PACSIN1: variants seen among roughly 807,000 people sequenced by gnomAD.
The protein encoded by PACSIN1 is protein kinase C and casein kinase substrate in neurons protein 1.
PACSIN1 carries 15 observed loss-of-function variants against 59.5 expected under a neutral mutation model. The ratio of observed to expected loss-of-function variants is 0.25; its 90% CI spans 0.17 to 0.39. The LOEUF (loss-of-function observed/expected upper bound fraction) is 0.39. Among genes scored for constraint, PACSIN1 ranks in the 10% least tolerant of loss-of-function variants. PACSIN1 has a pLI of 1.00. For synonymous variants in PACSIN1, 210 were observed against 220.6 expected, an observed-to-expected ratio of 0.95 and a Z score of 0.42; for missense variants, 420 against 580.2, an observed-to-expected ratio of 0.72 and a Z score of 2.84.
chr6:34,529,609 G>A lies in PACSIN1; in HGVS notation c.612+57G>A, dbSNP rs1348437033. 1 of 1,612,394 alleles carries A rather than the reference G, an allele frequency of 6.2e-7. No individual in the cohort carries two copies. The highest frequency in any genetic ancestry group is 1.3e-5 in the African/African-American group (1 of 74,880). On this transcript the variant is annotated intron_variant, in intron 5 of 9. Coordinates refer to ENST00000244458, the MANE Select transcript of PACSIN1 (RefSeq NM_020804.5). The surrounding 1 kb of genome is among the most constrained non-coding windows in gnomAD (Gnocchi z 6.3). ...CTGGGGGCCCCTTGCAGAGGGTGGT[G>A]GCTGGGAGCTGCAGGCCTGGCTAGG...
chr6:34,515,619 C>G lies in PACSIN1; in HGVS notation c.-63-10624C>G, dbSNP rs1260336141. Among the ~76,000 whole-genome samples, 1 of 152,164 alleles carries G rather than the reference C, an allele frequency of 6.6e-6. No individual in the cohort carries two copies. Among genetic ancestry groups the G allele is most frequent in the Non-Finnish European group, 1.5e-5 (1 of 68,022 alleles). The stretch of plus-strand genomic sequence containing the variant: ...AGAGGCATCTACCTCCTGCCCCAAC[C>G]TCAGGCCCTTCCCCTTCCTCGTTCT... On this transcript the variant is annotated intron_variant, in intron 1 of 9. Transcript: ENST00000244458. The surrounding 1 kb of genome is among the most constrained non-coding windows in gnomAD (Gnocchi z 4.4).
intron 1 of PACSIN1, among the ~76,000 whole-genome samples, chr6:34,491,506 T>G (rs73746656): frequency 0.022 from 3,361 of 152,182 alleles, 93 homozygotes; most frequent in African/African-American, 0.066. Context: ...GGTTCTGACT[T>G]GGAGACTTGT....
intron 1 of PACSIN1, among the ~76,000 whole-genome samples, chr6:34,493,857 C>T (rs1256892540): frequency 1.3e-5 from 2 of 152,210 alleles, no homozygotes; most frequent in African/African-American, 4.8e-5. Flanking sequence ...GGGAAGGGAG[C>T]AGGGGTAAGC....
At chr6:34,483,811 G>A (rs1441189868) in intron 1 of PACSIN1, among the ~76,000 whole-genome samples, 3 of 151,756 alleles carry the variant, frequency 2.0e-5, no homozygotes, top group Non-Finnish European at 4.4e-5. Context: ...CACCATGCCC[G>A]GCTAATTTTG....
chr6:34,508,293 T>C (rs1379100468), intron 1 of PACSIN1, among the ~76,000 whole-genome samples: 1 of 152,138 alleles, frequency 6.6e-6, no homozygotes, highest in South Asian at 2.1e-4. Context: ...TTAGTAGAGA[T>C]GGGGTTTCAC....
Position 34,491,667 on chromosome 6 carries a change from A to G in PACSIN1, c.-64+25397A>G, listed in dbSNP as rs1440476378. Among the ~76,000 whole-genome samples the G allele has an allele frequency of 2.0e-5, 3 of 150,960 alleles. No individual in the cohort carries two copies. The East Asian group carries it at 5.8e-4, about 29-fold the overall frequency. ...GCTCTTGTTGCCCAGGCTGGAGTGC[A>G]ACGACGTGATCTCGGCTCACTGCAA... On this transcript the variant is annotated intron_variant, in intron 1 of 9. Coordinates refer to ENST00000244458, the MANE Select transcript of PACSIN1 (RefSeq NM_020804.5).
intron 1 of PACSIN1, among the ~76,000 whole-genome samples, chr6:34,501,826 C>T (rs1179653330): frequency 6.6e-6 from 1 of 151,938 alleles, no homozygotes; most frequent in South Asian, 2.1e-4. Flanking sequence ...GTCAGGAGAT[C>T]GAGGCCATCC....
chr6:34,482,447 G>C (rs2395565), intron 1 of PACSIN1, among the ~76,000 whole-genome samples: 151,911 of 152,348 alleles, frequency 1, 75,739 homozygotes, highest in Middle Eastern at 1. Context: ...CAAGTAACTA[G>C]TGCATTCCTT....
intron 1 of PACSIN1, among the ~76,000 whole-genome samples, chr6:34,472,404 AG>A (rs142973051): frequency 0.099 from 14,978 of 151,762 alleles, 1,193 homozygotes; most frequent in East Asian, 0.28. Flanking sequence ...TTGTGATTAG[AG>A]CTTGCCTCTG....
intron 1 of PACSIN1, among the ~76,000 whole-genome samples, chr6:34,475,341 AGT>A (rs1321793180): frequency 2.0e-5 from 3 of 152,112 alleles, no homozygotes; most frequent in Non-Finnish European, 2.9e-5. Flanking sequence ...ATTTGTGCCT[AGT>A]GTGTCATTGT....
At chr6:34,480,919 T>A (rs1766709398) in intron 1 of PACSIN1, among the ~76,000 whole-genome samples, 1 of 152,222 alleles carries the variant, frequency 6.6e-6, no homozygotes, top group East Asian at 1.9e-4. Context: ...TTTTCTTTTT[T>A]TTTTTTTAGA....
intron 1 of PACSIN1, among the ~76,000 whole-genome samples, chr6:34,510,501 A>T (rs985232514): frequency 2.0e-5 from 3 of 151,966 alleles, no homozygotes; most frequent in African/African-American, 7.3e-5. Context: ...CCACCCACCC[A>T]ACCATTCAGC....
In PACSIN1 at chr6:34,495,599, C is replaced by T. The variant is rs1277510029; in HGVS notation, c.-64+29329C>T. On this transcript the variant is annotated intron_variant, in intron 1 of 9. Transcript: ENST00000244458. The stretch of plus-strand genomic sequence containing the variant: ...TCCTGAGTAGCTGGGATTACAGGCG[C>T]GCGCCACCACACCCAGCTAATTTTT... 5.3e-5 allele frequency among the ~76,000 whole-genome samples: 8 copies of T among 152,072 alleles called. No individual in the cohort carries two copies. The South Asian group carries it at 8.3e-4, about 16-fold the overall frequency.
In PACSIN1 at chr6:34,511,681, C is replaced by T. The variant is rs142676821; in HGVS notation, c.-63-14562C>T. On this transcript the variant is annotated intron_variant, in intron 1 of 9. Coordinates refer to ENST00000244458, the MANE Select transcript of PACSIN1 (RefSeq NM_020804.5). Reference sequence around the variant, plus strand: ...GCCTTTCCATTTTCTTTCTCTAGAGCTGGCCAGCCCTGCCTGTTGTGGGCT... The same window carrying T: ...GCCTTTCCATTTTCTTTCTCTAGAGTTGGCCAGCCCTGCCTGTTGTGGGCT... Among the ~76,000 whole-genome samples, 1,290 of 152,308 alleles carry T rather than the reference C, an allele frequency of 8.5e-3. 12 individuals carry two copies. Among genetic ancestry groups the T allele is most frequent in the Middle Eastern group, 0.031 (9 of 294 alleles).
intron 1 of PACSIN1, among the ~76,000 whole-genome samples, chr6:34,522,734 C>G (rs1187205978): frequency 6.6e-6 from 1 of 152,134 alleles, no homozygotes; most frequent in South Asian, 2.1e-4. Context: ...ACCAGGGGGG[C>G]CATGGGGTAA....
chr6:34,511,557 G>A (rs148914014), intron 1 of PACSIN1, among the ~76,000 whole-genome samples: 22 of 152,242 alleles, frequency 1.4e-4, no homozygotes, highest in African/African-American at 5.3e-4. Context: ...CTCCTCCTCC[G>A]GGTGCCTGCC....
intron 1 of PACSIN1, 43 bp from the exon 2 acceptor site, chr6:34,526,200 G>A (rs1767478241): frequency 1.1e-6 from 1 of 915,932 alleles, no homozygotes; most frequent in Non-Finnish European, 1.7e-6. Context: ...AAGGGTGGAA[G>A]GCCCTTCCCT....
rs140286379 is a variant in PACSIN1 at position 34,529,435 on chromosome 6, A to G, written c.495A>G (p.Lys165=). ...AAKKAYHLAC[K]EEKLAMTREM... is the part of the protein sequence containing the mutation. Reference sequence around the variant, plus strand: ...AGAAGGCCTACCATTTGGCTTGCAAAGAGGAAAAGCTGGCCATGACACGGG... The same window carrying G: ...AGAAGGCCTACCATTTGGCTTGCAAGGAGGAAAAGCTGGCCATGACACGGG... The change falls in exon 5 of 10, where the codon AAA becomes AAG. Residue 165 remains lysine (K), a synonymous_variant. Coordinates refer to ENST00000244458, the MANE Select transcript of PACSIN1 (RefSeq NM_020804.5). The surrounding 1 kb of genome is among the most constrained non-coding windows in gnomAD (Gnocchi z 6.3). 32 of 1,614,142 alleles carry G rather than the reference A, an allele frequency of 2.0e-5. No individual in the cohort carries two copies. Among genetic ancestry groups the G allele is most frequent in the Non-Finnish European group, 2.7e-5 (32 of 1,180,026 alleles).
chr6:34,512,377 T>A (rs377059693), intron 1 of PACSIN1, among the ~76,000 whole-genome samples: 2 of 151,808 alleles, frequency 1.3e-5, no homozygotes, highest in East Asian at 1.9e-4. Context: ...AGGGCAGCTG[T>A]CTTTGGTATC....
Sources: gnomAD v4.1 joint callset for allele counts (sites outside exome capture counted in the v4.1 genomes callset) on GRCh38, gnomAD v4.1.1 for gene constraint, Gnocchi (gnomAD v3.1) non-coding constraint, MANE v1.5 for transcripts, NCBI Gene and HGNC (gene_info 2026-07-23, HGNC 2026-07-21) for gene names.